The following RSRC1 variants were observed in gnomAD, a reference collection of about 807,000 sequenced individuals.
RSRC1 encodes serine/Arginine-related protein 53.
A neutral mutation model predicts 49.1 loss-of-function variants in RSRC1; 39 were observed. The observed-to-expected ratio is 0.79, with a 90% CI of 0.61 to 1.04. The LOEUF (loss-of-function observed/expected upper bound fraction) is 1.04. RSRC1 is among the 50% of genes least tolerant of loss of function. The pLI is 0.00. For missense variants in RSRC1, 388 were observed against 402.4 expected (o/e 0.96, Z 0.31); for synonymous variants, 143 against 130.8 (o/e 1.09, Z -0.63).
chr3:158,169,592 G>C (rs188425421), intron 3 of RSRC1, among the ~76,000 whole-genome samples: 3 of 152,162 alleles, frequency 2.0e-5, no homozygotes, highest in African/African-American at 7.2e-5. Context: ...AATTATTGCT[G>C]CCTTATTTTT....
intron 6 of RSRC1, among the ~76,000 whole-genome samples, chr3:158,425,325 A>G (rs964480844): frequency 2.6e-5 from 4 of 151,944 alleles, no homozygotes; most frequent in Non-Finnish European, 5.9e-5. Flanking sequence ...TTCTGCCTTC[A>G]TTTCGTTATG....
At chr3:158,185,918 C>A (rs1314937223) in intron 3 of RSRC1, among the ~76,000 whole-genome samples, 1 of 151,932 alleles carries the variant, frequency 6.6e-6, no homozygotes, top group African/African-American at 2.4e-5. Context: ...AATAGTTTCA[C>A]ATTTTATTAG....
intron 4 of RSRC1, among the ~76,000 whole-genome samples, chr3:158,236,563 TA>T (rs1723259352): frequency 6.6e-6 from 1 of 152,260 alleles, no homozygotes; most frequent in Non-Finnish European, 1.5e-5. Context: ...TCATAGAGTA[TA>T]TATGCTTTTC....
chr3:158,309,634 T>A (rs17486183), intron 5 of RSRC1, among the ~76,000 whole-genome samples: 1 of 151,672 alleles, frequency 6.6e-6, no homozygotes, highest in Non-Finnish European at 1.5e-5. Flanking sequence ...TACACTCTTA[T>A]AAAAAACTAC....
chr3:158,205,985 T>C (rs936983874), intron 4 of RSRC1, among the ~76,000 whole-genome samples: 2 of 152,206 alleles, frequency 1.3e-5, no homozygotes, highest in Admixed American at 6.5e-5. Flanking sequence ...ATTTGGTCTC[T>C]GTTGCAGCTA....
intron 6 of RSRC1, among the ~76,000 whole-genome samples, chr3:158,449,934 G>T (rs1470543793): frequency 6.6e-6 from 1 of 151,880 alleles, no homozygotes; most frequent in African/African-American, 2.4e-5. Flanking sequence ...TTCTAAACTG[G>T]TTCATTGCAA....
intron 3 of RSRC1, among the ~76,000 whole-genome samples, chr3:158,158,080 A>G (rs1717989812): frequency 6.6e-6 from 1 of 152,200 alleles, no homozygotes; most frequent in Non-Finnish European, 1.5e-5. Flanking sequence ...TATGAATAGT[A>G]TGTTCAATTA....
At chr3:158,498,811 A>G (rs899262095) in intron 7 of RSRC1, among the ~76,000 whole-genome samples, 1 of 151,986 alleles carries the variant, frequency 6.6e-6, no homozygotes, top group African/African-American at 2.4e-5. Flanking sequence ...TCCCATCACC[A>G]TTTATTGAAA....
intron 4 of RSRC1, among the ~76,000 whole-genome samples, chr3:158,217,213 A>G (rs1721989082): frequency 6.6e-6 from 1 of 151,670 alleles, no homozygotes; most frequent in African/African-American, 2.4e-5. Context: ...AGTCCATGAT[A>G]TGACTCTTTG....
At chr3:158,329,300 G>T (rs1729392918) in intron 5 of RSRC1, among the ~76,000 whole-genome samples, 1 of 152,184 alleles carries the variant, frequency 6.6e-6, no homozygotes, top group Admixed American at 6.5e-5. Flanking sequence ...TCCTTTGGAG[G>T]GGGAGAGGTG....
chr3:158,235,379 G>C (rs1207578019), intron 4 of RSRC1, among the ~76,000 whole-genome samples: 3 of 151,956 alleles, frequency 2.0e-5, no homozygotes, highest in Non-Finnish European at 4.4e-5. Context: ...TTAGTTCAGT[G>C]GACATTAGTA....
At chr3:158,304,390 A>T (rs1191576244) in intron 5 of RSRC1, among the ~76,000 whole-genome samples, 1 of 152,176 alleles carries the variant, frequency 6.6e-6, no homozygotes, top group Non-Finnish European at 1.5e-5. Flanking sequence ...GCATAAACAC[A>T]GTTAATGGAT....
chr3:158,505,351 C>G (rs915000154), intron 7 of RSRC1, among the ~76,000 whole-genome samples: 2 of 152,162 alleles, frequency 1.3e-5, no homozygotes, highest in South Asian at 2.1e-4. Flanking sequence ...AAGCAGGGCT[C>G]TAACTCTTAG....
chr3:158,145,086 G>A (rs1236918920), intron 3 of RSRC1, among the ~76,000 whole-genome samples: 9 of 152,154 alleles, frequency 5.9e-5, no homozygotes, highest in Admixed American at 3.9e-4. Context: ...TAGGTTGCCT[G>A]TTCACTCTGA....
chr3:158,230,000 C>T (rs867297536), intron 4 of RSRC1, among the ~76,000 whole-genome samples: 1 of 152,104 alleles, frequency 6.6e-6, no homozygotes, highest in Non-Finnish European at 1.5e-5. Flanking sequence ...ATTGATGCAT[C>T]AATCACAGCT....
At chr3:158,154,655 G>C (rs1717751144) in intron 3 of RSRC1, among the ~76,000 whole-genome samples, 1 of 151,976 alleles carries the variant, frequency 6.6e-6, no homozygotes, top group African/African-American at 2.4e-5. Flanking sequence ...AGTAGAGACA[G>C]GTTTTCACCA....
rs1396716291 is a variant in RSRC1 at position 158,122,220 on chromosome 3, AAGG to A, written c.121_123del (p.Gly41del). The stretch of plus-strand genomic sequence containing the variant: ...GATAGTAGAACATACAGCCGAAAGA[AAGG>A]AGGAAGGAAATCAAGATCAAAGTCA... On this transcript the variant is annotated inframe_deletion, in exon 2 of 10. Coordinates refer to ENST00000611884, the MANE Select transcript of RSRC1 (RefSeq NM_001271838.2). 10 of 1,607,328 alleles carry A rather than the reference AAGG, an allele frequency of 6.2e-6. No homozygotes were observed. The highest frequency in any genetic ancestry group is 8.5e-6 in the Non-Finnish European group (10 of 1,176,128).
intron 6 of RSRC1, among the ~76,000 whole-genome samples, chr3:158,377,141 C>G (rs912078052): frequency 6.6e-6 from 1 of 152,112 alleles, no homozygotes. Flanking sequence ...AATATTTTCT[C>G]TTTATGGTTC....
chr3:158,377,331 C>G (rs1732429332), intron 6 of RSRC1, among the ~76,000 whole-genome samples: 1 of 152,086 alleles, frequency 6.6e-6, no homozygotes, highest in Non-Finnish European at 1.5e-5. Context: ...CTCCAAATTT[C>G]TTGTTGAAAT....
Sources: allele counts gnomAD v4.1 joint callset (sites outside exome capture counted in the v4.1 genomes callset), GRCh38; gene constraint gnomAD v4.1.1; transcripts MANE v1.5; gene names NCBI Gene and HGNC (gene_info 2026-07-23, HGNC 2026-07-21).